The following EXD3 variants were observed in gnomAD, a reference collection of about 807,000 sequenced individuals.
EXD3 encodes exonuclease 3'-5' domain containing 3.
EXD3 carries 92 observed loss-of-function variants against 98.0 expected under a neutral mutation model. That is an observed-to-expected ratio of 0.94 (90% CI 0.79 to 1.12). The LOEUF is 1.12. Among genes scored for constraint, EXD3 ranks in the 50% most tolerant of loss-of-function variants. The probability of loss-of-function intolerance (pLI) is 0.00; values close to 1 mark genes in which losing one functional copy is unlikely to be tolerated. For missense variants in EXD3, 1,222 were observed against 1,191.6 expected, an observed-to-expected ratio of 1.03 and a Z score of -0.38; for synonymous variants, 569 against 526.0, an observed-to-expected ratio of 1.08 and a Z score of -1.12.
intron 1 of EXD3, among the ~76,000 whole-genome samples, chr9:137,399,716 G>A (rs1291813741): frequency 6.6e-6 from 1 of 152,124 alleles, no homozygotes; most frequent in Non-Finnish European, 1.5e-5. Flanking sequence ...GGTGGGAGGC[G>A]AAAGGCGCTT....
chr9:137,394,708 C>T (rs532208842), intron 2 of EXD3, among the ~76,000 whole-genome samples: 30 of 150,012 alleles, frequency 2.0e-4, no homozygotes, highest in African/African-American at 5.9e-4. Context: ...GCCGAGCGAG[C>T]GGGGATGCGG....
rs780525506 is a variant in EXD3, at chr9:137,383,359, A to G, written c.74T>C (p.Leu25Pro). The G allele has an allele frequency of 4.5e-6, 7 of 1,550,572 alleles. No individual in the cohort carries two copies. Among genetic ancestry groups the G allele is most frequent in the South Asian group, 1.2e-5 (1 of 83,970 alleles). Residue 25 changes from leucine to proline, a missense_variant, in exon 3 of 22, where the codon CTC becomes CCC. Coordinates refer to ENST00000340951, the MANE Select transcript of EXD3 (RefSeq NM_017820.5). Reference sequence around the variant, plus strand: ...CCACAGGGTCTGCAGGGCCTGCAGGAGCAGGAGGGGGTCCCGGCCTGTGGA... The same window carrying G: ...CCACAGGGTCTGCAGGGCCTGCAGGGGCAGGAGGGGGTCCCGGCCTGTGGA... ...RHRMGRDPLLLLQALQTLWST... is the reference protein window; with the variant it reads ...RHRMGRDPLLPLQALQTLWST...
chr9:137,351,731 G>C (rs1047193941), intron 12 of EXD3, among the ~76,000 whole-genome samples: 3 of 152,244 alleles, frequency 2.0e-5, no homozygotes, highest in African/African-American at 7.2e-5. Flanking sequence ...GCACCAGAGA[G>C]GGAGGCCTGG....
At chr9:137,365,710 G>GCA (rs911482243) in intron 7 of EXD3, 18 of 270,144 alleles carry the variant, frequency 6.7e-5, no homozygotes, top group African/African-American at 2.2e-4. Context: ...ACACACCCAT[G>GCA]CACACACACA....
intron 19 of EXD3, among the ~76,000 whole-genome samples, chr9:137,322,174 G>A (rs1832064640): frequency 6.6e-6 from 1 of 152,192 alleles, no homozygotes; most frequent in Admixed American, 6.5e-5. Flanking sequence ...CCTTTGGAAA[G>A]TGGGACCCAC....
intron 17 of EXD3, among the ~76,000 whole-genome samples, chr9:137,340,778 C>T (rs1241980983): frequency 1.3e-5 from 2 of 152,122 alleles, no homozygotes; most frequent in East Asian, 3.9e-4. Flanking sequence ...CCTGGCCTCC[C>T]AAAGGGCTGA....
intron 3 of EXD3, among the ~76,000 whole-genome samples, chr9:137,379,369 G>A (rs1161385218): frequency 6.5e-5 from 5 of 76,354 alleles, no homozygotes; most frequent in Admixed American, 4.3e-4. Context: ...GGTGACCGTT[G>A]CCTGGGGCCG....
At chr9:137,343,828 T>G (rs1325652620) in intron 17 of EXD3, among the ~76,000 whole-genome samples, 1 of 149,886 alleles carries the variant, frequency 6.7e-6, no homozygotes, top group Non-Finnish European at 1.5e-5. Context: ...AACCTCGTGA[T>G]CCGCCTGCCT....
chr9:137,307,485 C>A, intron 21 of EXD3, 123 bp downstream of exon 21: 1 of 1,370,612 alleles, frequency 7.3e-7, no homozygotes, highest in Admixed American at 2.3e-5. Context: ...GCCCTAGGGC[C>A]TACAGGAGCC....
At chr9:137,413,919 CTTTT>C (rs57038595) in intron 1 of EXD3, among the ~76,000 whole-genome samples, 2 of 133,556 alleles carry the variant, frequency 1.5e-5, no homozygotes, top group African/African-American at 5.5e-5. Flanking sequence ...TTTTTTTTTT[CTTTT>C]TTTTTTTTTT....
At chr9:137,365,749 TACATGCACACACAC>T in intron 7 of EXD3, 1 of 296,300 alleles carries the variant, frequency 3.4e-6, no homozygotes, top group Non-Finnish European at 6.4e-6. Flanking sequence ...GGCACACACA[TACATGCACACACAC>T]ACCACATGCA....
intron 17 of EXD3, among the ~76,000 whole-genome samples, chr9:137,326,750 G>GGGAAGGTAAAT (rs1177495147): frequency 6.6e-6 from 1 of 152,174 alleles, no homozygotes; most frequent in Non-Finnish European, 1.5e-5. Context: ...CGTCACTGGC[G>GGGAAGGTAAAT]GGAAGGTAAA....
At chr9:137,307,403 T>C in intron 21 of EXD3, 140 bp from the exon 22 acceptor site, 1 of 1,350,030 alleles carries the variant, frequency 7.4e-7, no homozygotes. Context: ...CCCTATCCGC[T>C]GACTCTGCGT....
chr9:137,390,282 A>G (rs1836834217), intron 2 of EXD3, among the ~76,000 whole-genome samples: 1 of 151,104 alleles, frequency 6.6e-6, no homozygotes, highest in African/African-American at 2.4e-5. Context: ...AATACAAAAA[A>G]TTAGCCGGGA....
chr9:137,353,036 G>T, intron 10 of EXD3: 2 of 1,326,980 alleles, frequency 1.5e-6, no homozygotes, highest in East Asian at 3.4e-5. Context: ...CTGGCCTTCC[G>T]GGTCTCCAAG....
At chr9:137,310,517 C>A (rs927331605) in intron 19 of EXD3, among the ~76,000 whole-genome samples, 3 of 152,212 alleles carry the variant, frequency 2.0e-5, no homozygotes, top group African/African-American at 7.2e-5. Context: ...GTGTGTGCCA[C>A]GCCCAGCCCC....
rs1450140754 is a variant in EXD3, at chr9:137,324,648, GTA to G, written c.1999-507_1999-506del. Among the ~76,000 whole-genome samples, 1 of 152,324 alleles carries G rather than the reference GTA, an allele frequency of 6.6e-6. No individual in the cohort carries two copies. Among genetic ancestry groups the G allele is most frequent in the South Asian group, 2.1e-4 (1 of 4,828 alleles). On this transcript the variant is annotated intron_variant, in intron 17 of 21. Transcript: ENST00000340951. This position sits in a 1 kb window ranked among gnomAD's most constrained non-coding sequence, Gnocchi z 4.1. Reference sequence around the variant, plus strand: ...ATGGATCATTTTGCTGATTTTGTGAGTATGAGAGTTTTCAGCTGACAAAGGAG... The same window carrying G: ...ATGGATCATTTTGCTGATTTTGTGAGTGAGAGTTTTCAGCTGACAAAGGAG...
Position 137,349,475 on chromosome 9 carries a change from GC to G in EXD3, c.1550del (p.Gly517AlafsTer2). On this transcript the variant is annotated frameshift_variant, in exon 15 of 22. Transcript: ENST00000340951. LOFTEE classifies it high-confidence loss of function. This position sits in a 1 kb window ranked among gnomAD's most constrained non-coding sequence, Gnocchi z 7.4. ...GCACCTGCTGCACCAGGAGGCTCAG[GC>G]CCCTCAGCTCCCTGGCCCTGTCCAC... ...PAVDRARELR[G>X]LSLLVQQVLG... is the part of the protein sequence containing the mutation. 1 of 1,604,140 alleles carries G rather than the reference GC, an allele frequency of 6.2e-7. No individual in the cohort carries two copies.
chr9:137,410,068 C>T (rs553878361), intron 1 of EXD3, among the ~76,000 whole-genome samples: 8 of 151,630 alleles, frequency 5.3e-5, no homozygotes, highest in South Asian at 2.1e-4. Flanking sequence ...CCCAGCTACT[C>T]GGGACGTTGA....
Sources: allele counts gnomAD v4.1 joint callset (sites outside exome capture counted in the v4.1 genomes callset), GRCh38; gene constraint gnomAD v4.1.1; non-coding constraint Gnocchi (gnomAD v3.1); transcripts MANE v1.5; gene names NCBI Gene and HGNC (gene_info 2026-07-23, HGNC 2026-07-21).